The following MTCL2 variants were observed in gnomAD, a reference collection of about 807,000 sequenced individuals.
The protein encoded by MTCL2 is microtubule cross-linking factor 2.
the MTCL2 span, chr20:36,786,579 CG>C: frequency 1.3e-6 from 2 of 1,550,912 alleles, no homozygotes; most frequent in Non-Finnish European, 1.7e-6. Flanking sequence ...GATGGCAGAG[CG>C]GGACGATCGG....
chr20:36,816,988 C>T, the MTCL2 span, among the ~76,000 whole-genome samples: 8 of 151,640 alleles, frequency 5.3e-5, no homozygotes, highest in East Asian at 1.9e-4. Flanking sequence ...GCAAGGGGGC[C>T]GGGCGCAGTG....
the MTCL2 span, among the ~76,000 whole-genome samples, chr20:36,788,651 T>C: frequency 6.6e-6 from 1 of 152,148 alleles, no homozygotes; most frequent in Non-Finnish European, 1.5e-5. Context: ...AATAAATAAA[T>C]AAATAAATAA....
At chr20:36,837,440 T>C in the MTCL2 span, among the ~76,000 whole-genome samples, 12 of 151,126 alleles carry the variant, frequency 7.9e-5, no homozygotes, top group Admixed American at 3.9e-4. Flanking sequence ...TGAGCGCCCC[T>C]TGACCTTCGG....
At chr20:36,841,179 A>AAAAAAAAAAC in the MTCL2 span, among the ~76,000 whole-genome samples, 1 of 148,560 alleles carries the variant, frequency 6.7e-6, no homozygotes, top group Non-Finnish European at 1.5e-5. Context: ...AAAAAAAAAA[A>AAAAAAAAAAC]AAAATGAGCC....
the MTCL2 span, among the ~76,000 whole-genome samples, chr20:36,798,326 C>T: frequency 3.3e-5 from 5 of 152,194 alleles, no homozygotes; most frequent in African/African-American, 1.2e-4. Context: ...CCTCGACTTC[C>T]TAAAATGCTG....
the MTCL2 span, among the ~76,000 whole-genome samples, chr20:36,800,461 G>A: frequency 6.6e-6 from 1 of 152,210 alleles, no homozygotes. Flanking sequence ...CCTAGCAAGT[G>A]TGAACCTCAA....
At chr20:36,814,646 G>A in the MTCL2 span, among the ~76,000 whole-genome samples, 1 of 152,144 alleles carries the variant, frequency 6.6e-6, no homozygotes, top group African/African-American at 2.4e-5. Flanking sequence ...CAGAACTTTG[G>A]GAGACAAAGG....
At chr20:36,829,231 GAGA>G in the MTCL2 span, 1 of 1,595,850 alleles carries the variant, frequency 6.3e-7, no homozygotes. Flanking sequence ...GGGTGGGAGA[GAGA>G]AGGATGTGAG....
the MTCL2 span, chr20:36,793,182 C>G: frequency 1.4e-6 from 2 of 1,465,550 alleles, no homozygotes; most frequent in Non-Finnish European, 1.8e-6. This position sits in a 1 kb window ranked among gnomAD's most constrained non-coding sequence, Gnocchi z 6.8. Context: ...ACTTAAAAAC[C>G]AAAAGAGCTT....
At chr20:36,858,661 A>G in the MTCL2 span, among the ~76,000 whole-genome samples, 25 of 152,104 alleles carry the variant, frequency 1.6e-4, no homozygotes, top group Non-Finnish European at 3.2e-4. Flanking sequence ...CTGTCTGCCT[A>G]TTGGCTATGA....
At chr20:36,858,311 A>AACACACACACAC in the MTCL2 span, among the ~76,000 whole-genome samples, 20 of 31,834 alleles carry the variant, frequency 6.3e-4, 1 homozygote, top group African/African-American at 1.8e-3. Context: ...AAGGAGGGAA[A>AACACACACACAC]ACACACACAC....
the MTCL2 span, among the ~76,000 whole-genome samples, chr20:36,809,432 T>C: frequency 6.6e-6 from 1 of 151,996 alleles, no homozygotes; most frequent in Admixed American, 6.6e-5. Flanking sequence ...GAAACTGAGG[T>C]CCTGAGAGAA....
At chr20:36,777,848 TG>T in the MTCL2 span, 1 of 625,516 alleles carries the variant, frequency 1.6e-6, no homozygotes, top group Admixed American at 3.5e-5. Flanking sequence ...TCCCAGCTGC[TG>T]GGGGTTGGAG....
the MTCL2 span, chr20:36,783,747 C>G: frequency 1.0e-6 from 1 of 984,832 alleles, no homozygotes; most frequent in Non-Finnish European, 1.2e-6. Flanking sequence ...ACTTAAAAGG[C>G]ATTTGAAGAA....
chr20:36,837,298 C>T, the MTCL2 span, among the ~76,000 whole-genome samples: 1 of 152,136 alleles, frequency 6.6e-6, no homozygotes, highest in African/African-American at 2.4e-5. Context: ...CCAGAGCTTC[C>T]GAAGACAGGC....
the MTCL2 span, among the ~76,000 whole-genome samples, chr20:36,807,920 C>G: frequency 7.4e-6 from 1 of 134,902 alleles, no homozygotes; most frequent in Non-Finnish European, 1.6e-5. Context: ...CTCTCTCCCA[C>G]TCTGGAGTGC....
chr20:36,817,084 C>T, the MTCL2 span, among the ~76,000 whole-genome samples: 21 of 151,826 alleles, frequency 1.4e-4, no homozygotes, highest in East Asian at 5.8e-4. Context: ...CTGGTCAACA[C>T]GGTGAAACCC....
chr20:36,824,456 C>T, the MTCL2 span, among the ~76,000 whole-genome samples: 2 of 151,678 alleles, frequency 1.3e-5, no homozygotes, highest in East Asian at 3.9e-4. Flanking sequence ...CCAGAACAGG[C>T]AAATCCAGAG....
chr20:36,863,423 G>A, the MTCL2 span: 2 of 1,063,158 alleles, frequency 1.9e-6, no homozygotes, highest in East Asian at 4.9e-5. The surrounding 1 kb of genome is among the most constrained non-coding windows in gnomAD (Gnocchi z 6.2). Context: ...GAGGGACCCG[G>A]CGCGGCTCCG....
Sources: allele counts gnomAD v4.1 joint callset (sites outside exome capture counted in the v4.1 genomes callset), GRCh38; gene constraint gnomAD v4.1.1; non-coding constraint Gnocchi (gnomAD v3.1); transcripts MANE v1.5; gene names NCBI Gene and HGNC (gene_info 2026-07-23, HGNC 2026-07-21).